Variants in SHPK observed in about 807,000 individuals in gnomAD.
SHPK encodes the protein carbohydrate kinase-like protein.
In SHPK, 51 loss-of-function variants were observed where a neutral mutation model predicts 46.3. That is an observed-to-expected ratio of 1.10 (90% CI 0.88 to 1.39). The LOEUF (loss-of-function observed/expected upper bound fraction) is 1.39, where lower values mean the gene tolerates loss of function less well. SHPK is among the 40% of genes most tolerant of loss of function. The pLI is 0.00. For missense variants in SHPK, 668 were observed against 641.3 expected, an observed-to-expected ratio of 1.04 and a Z score of -0.45; for synonymous variants, 290 against 273.9, an observed-to-expected ratio of 1.06 and a Z score of -0.58.
intron 2 of SHPK, among the ~76,000 whole-genome samples, chr17:3,624,639 GTTTTATTTTA>G (rs202112157): frequency 4.6e-5 from 7 of 151,836 alleles, no homozygotes; most frequent in Admixed American, 6.6e-5. Flanking sequence ...AGCTGATTGC[GTTTTATTTTA>G]TTTTATTTTA....
chr17:3,614,663 C>T (rs529170578), intron 6 of SHPK, among the ~76,000 whole-genome samples: 8 of 152,146 alleles, frequency 5.3e-5, no homozygotes, highest in Non-Finnish European at 1.0e-4. Flanking sequence ...GCCTGGCCAA[C>T]ATGGCAAAAC....
rs1158044711 is a variant in SHPK, at chr17:3,608,913, A to T, written c.*1647T>A. 1.3e-5 allele frequency: 2 copies of T among 152,160 alleles called. No homozygotes were observed. The highest frequency in any genetic ancestry group is 2.9e-5 in the Non-Finnish European group (2 of 68,056). 9.4% of individuals were successfully genotyped at this position (152,160 alleles called of 1,614,324 possible). On this transcript the variant is annotated 3_prime_UTR_variant, in exon 7 of 7. Coordinates refer to ENST00000225519, the MANE Select transcript of SHPK (RefSeq NM_013276.4). Reference sequence around the variant, plus strand: ...AATGGGCTTTGTATTTATTTATGAGACAGAGTCTTGCTCTGTCACCCAGGC... The same window carrying T: ...AATGGGCTTTGTATTTATTTATGAGTCAGAGTCTTGCTCTGTCACCCAGGC...
rs747177985 is a variant in SHPK, at chr17:3,624,121, G to GC, written c.420dup (p.Pro141AlafsTer106). On this transcript the variant is annotated frameshift_variant, in exon 3 of 7. Transcript: ENST00000225519. LOFTEE classifies it high-confidence loss of function. Reference sequence around the variant, plus strand: ...ACACTGAGATGAGACTTCGGCTGGGGCAGAGAGGCCAGGAATTCGCTGCTA... The same window carrying GC: ...ACACTGAGATGAGACTTCGGCTGGGGCCAGAGAGGCCAGGAATTCGCTGCTA... 5.0e-6 allele frequency: 8 copies of GC among 1,614,050 alleles called. No individual in the cohort carries two copies. In the African/African-American group the frequency reaches 1.1e-4, roughly 22 times the overall value.
intron 2 of SHPK, among the ~76,000 whole-genome samples, chr17:3,627,227 G>T (rs1008087342): frequency 3.9e-5 from 6 of 151,990 alleles, no homozygotes; most frequent in African/African-American, 1.4e-4. Flanking sequence ...TCTGCTGCTC[G>T]CCTTTTAGCT....
At chr17:3,618,710 G>A (rs1490032461) in intron 5 of SHPK, among the ~76,000 whole-genome samples, 1 of 152,114 alleles carries the variant, frequency 6.6e-6, no homozygotes, top group Non-Finnish European at 1.5e-5. Flanking sequence ...AACTCAGGAG[G>A]CGGAGGTTGC....
At chr17:3,632,019 T>C (rs911369197) in intron 1 of SHPK, among the ~76,000 whole-genome samples, 1 of 152,066 alleles carries the variant, frequency 6.6e-6, no homozygotes, top group Non-Finnish European at 1.5e-5. Context: ...TGCAGTGGTG[T>C]GATCTCAGCT....
chr17:3,613,851 T>G (rs1292526985), intron 6 of SHPK, among the ~76,000 whole-genome samples: 2 of 151,976 alleles, frequency 1.3e-5, no homozygotes, highest in African/African-American at 4.8e-5. Context: ...CGTGCCACCA[T>G]GCACAGCGCC....
In SHPK at chr17:3,631,512, C is replaced by CTTTTTTTTTT. The variant is rs371958939; in HGVS notation, c.169-1176_169-1167dup. On this transcript the variant is annotated intron_variant, in intron 1 of 6. Transcript: ENST00000225519. ...AAAATATACACTATCTAATTTAATG[C>CTTTTTTTTTT]TTTTTTTTTTTTTTTTTTTTTTTTT... is the stretch of plus-strand genomic sequence containing the variant. Among the ~76,000 whole-genome samples the CTTTTTTTTTT allele has an allele frequency of 1.1e-3, 60 of 53,050 alleles. 21 individuals carry two copies. The highest frequency in any genetic ancestry group is 3.7e-3 in the African/African-American group (42 of 11,292). The allele number at this position is 53,050 out of a possible 152,430, so 34.8% of individuals were successfully genotyped here.
chr17:3,627,303 G>GT (rs1447945228), intron 2 of SHPK, among the ~76,000 whole-genome samples: 3 of 152,060 alleles, frequency 2.0e-5, no homozygotes, highest in Admixed American at 6.6e-5. Flanking sequence ...GGAAACAGGC[G>GT]TAACCACAGG....
intron 4 of SHPK, 137 bp downstream of exon 4, chr17:3,623,202 G>A (rs2075412989): frequency 1.1e-6 from 1 of 937,208 alleles, no homozygotes; most frequent in Admixed American, 1.9e-5. Context: ...GGACAGGCCA[G>A]GGGCACTGGA....
At chr17:3,629,495 C>G (rs2075457233) in intron 2 of SHPK, among the ~76,000 whole-genome samples, 2 of 152,070 alleles carry the variant, frequency 1.3e-5, no homozygotes, top group South Asian at 4.1e-4. Context: ...CTTTGGGAGG[C>G]TGCCGGTGGA....
Position 3,623,467 on chromosome 17 carries a change from G to A in SHPK, c.519C>T (p.Asp173=), listed in dbSNP as rs879238318. Reference sequence around the variant, plus strand: ...CATAGTCGTGGATGGTACCGGCTGCGTCGTAGGACTTCAGGAACTCTGGGC... The same window carrying A: ...CATAGTCGTGGATGGTACCGGCTGCATCGTAGGACTTCAGGAACTCTGGGC... ...KYRPEFLKSY[D]AAGTIHDYVV... is the part of the protein sequence containing the mutation. The change falls in exon 4 of 7, where the codon GAC becomes GAT. Residue 173 remains aspartate, a synonymous_variant. Transcript: ENST00000225519. 8.1e-6 allele frequency: 13 copies of A among 1,614,012 alleles called. No homozygotes were observed. The highest frequency in any genetic ancestry group is 6.7e-5 in the Admixed American group (4 of 60,006).
chr17:3,621,244 T>C lies in SHPK; in HGVS notation c.816A>G (p.Thr272=), dbSNP rs374995008. Reference sequence around the variant, plus strand: ...AACAAAAGAAAAACTTACCTGCATCTGTCCTCTGGGCCATGCAGGAATAGA... The same window carrying C: ...AACAAAAGAAAAACTTACCTGCATCCGTCCTCTGGGCCATGCAGGAATAGA... ...ASVYSCMAQR[T]DAVLNISTSV... The change falls in exon 5 of 7, where the codon ACA becomes ACG. Residue 272 remains threonine (T), a synonymous_variant. Transcript: ENST00000225519. The C allele has an allele frequency of 6.2e-7, 1 of 1,610,308 alleles. No homozygotes were observed. The highest frequency in any genetic ancestry group is 8.5e-7 in the Non-Finnish European group (1 of 1,178,524).
chr17:3,613,611 C>T (rs529539640), intron 6 of SHPK, among the ~76,000 whole-genome samples: 5 of 152,232 alleles, frequency 3.3e-5, no homozygotes, highest in Middle Eastern at 3.4e-3. Context: ...TCAGGTGATC[C>T]GCCCGCCTCA....
intron 2 of SHPK, among the ~76,000 whole-genome samples, chr17:3,624,761 C>T (rs1033300056): frequency 6.6e-6 from 1 of 152,138 alleles, no homozygotes; most frequent in Non-Finnish European, 1.5e-5. Context: ...TCAAGCGATT[C>T]TCCTGCTTCA....
intron 2 of SHPK, among the ~76,000 whole-genome samples, chr17:3,626,959 G>A (rs161370): frequency 1.1e-4 from 17 of 152,032 alleles, no homozygotes; most frequent in African/African-American, 3.9e-4. Context: ...TCGACATTAC[G>A]GAACATTTTG....
intron 6 of SHPK, among the ~76,000 whole-genome samples, chr17:3,613,730 CT>C (rs957261370): frequency 6.1e-5 from 9 of 148,002 alleles, no homozygotes; most frequent in Admixed American, 6.8e-5. Flanking sequence ...AAAAAGTTTT[CT>C]TTTTTTTTTA....
In SHPK at chr17:3,628,185, C is replaced by T. The variant is rs569757239; in HGVS notation, c.310+2020G>A. ...TTGAAATCCTCATAACTACAGCCCC[C>T]CAAAGTAGCCGTCCATCTTCTGCTT... On this transcript the variant is annotated intron_variant, in intron 2 of 6. Coordinates refer to ENST00000225519, the MANE Select transcript of SHPK (RefSeq NM_013276.4). Among the ~76,000 whole-genome samples the T allele has an allele frequency of 6.6e-5, 10 of 152,244 alleles. No homozygotes were observed. The South Asian group carries it at 1.7e-3, about 25-fold the overall frequency.
chr17:3,619,529 T>C, intron 5 of SHPK: 2 of 557,968 alleles, frequency 3.6e-6, no homozygotes, highest in East Asian at 3.8e-5. Flanking sequence ...GGTGAAGAGA[T>C]TGAGACCATC....
Sources: allele counts gnomAD v4.1 joint callset (sites outside exome capture counted in the v4.1 genomes callset), GRCh38; gene constraint gnomAD v4.1.1; transcripts MANE v1.5; gene names NCBI Gene and HGNC (gene_info 2026-07-23, HGNC 2026-07-21).